The following LRP1B variants were observed in gnomAD, a reference collection of about 807,000 sequenced individuals.
LRP1B encodes LDL receptor related protein 1B.
Under a neutral mutation model 556.6 loss-of-function variants are expected in LRP1B, and 217 were observed. The observed-to-expected ratio is 0.39, with a 90% CI of 0.35 to 0.44. The LOEUF is 0.44. Ranked by LOEUF, LRP1B falls within the 20% of genes least tolerant of loss-of-function variation. LRP1B has a pLI of 1.00. For synonymous variants in LRP1B, 2,047 were observed against 1,865.8 expected, an observed-to-expected ratio of 1.10 and a Z score of -2.50; for missense variants, 5,053 against 5,620.8, an observed-to-expected ratio of 0.90 and a Z score of 3.23.
At chr2:140,273,336 G>GTTTATATGA (rs1553437444) in intron 85 of LRP1B, among the ~76,000 whole-genome samples, 1 of 151,808 alleles carries the variant, frequency 6.6e-6, no homozygotes, top group African/African-American at 2.4e-5. Flanking sequence ...ACATGATTTG[G>GTTTATATGA]ACGCATGTTT....
chr2:141,755,583 T>C (rs1030446583), intron 2 of LRP1B, among the ~76,000 whole-genome samples: 5 of 152,038 alleles, frequency 3.3e-5, no homozygotes, highest in Non-Finnish European at 7.4e-5. Flanking sequence ...TAAAAACCTT[T>C]TGGAGGGCAA....
intron 3 of LRP1B, among the ~76,000 whole-genome samples, chr2:141,397,028 G>A (rs1690260703): frequency 6.8e-6 from 1 of 147,638 alleles, no homozygotes; most frequent in African/African-American, 2.5e-5. Context: ...GAAGAGAATC[G>A]CTTGAACCTG....
At chr2:140,370,497 G>A (rs546859690) in intron 71 of LRP1B, among the ~76,000 whole-genome samples, 5 of 151,922 alleles carry the variant, frequency 3.3e-5, no homozygotes, top group Admixed American at 1.3e-4. Context: ...CCCTGTGTTC[G>A]TGTTTGTCAT....
chr2:140,361,265 A>AAAT (rs1682487737), intron 72 of LRP1B, among the ~76,000 whole-genome samples: 1 of 143,616 alleles, frequency 7.0e-6, no homozygotes, highest in Non-Finnish European at 1.5e-5. Flanking sequence ...GGGAAGCCAG[A>AAAT]AATGTTGCAG....
At chr2:140,518,153 T>C (rs1689999432) in intron 49 of LRP1B, among the ~76,000 whole-genome samples, 1 of 152,190 alleles carries the variant, frequency 6.6e-6, no homozygotes, top group Admixed American at 6.6e-5. Context: ...ATGGCTATTT[T>C]AAGATAACAA....
intron 22 of LRP1B, 106 bp downstream of exon 22, chr2:140,907,771 A>C (rs1694299035): frequency 1.0e-6 from 1 of 978,950 alleles, no homozygotes; most frequent in South Asian, 1.4e-5. Context: ...AGCTACATTT[A>C]AAGGGAATGA....
chr2:141,732,810 C>G (rs1485828657), intron 2 of LRP1B, among the ~76,000 whole-genome samples: 4 of 152,000 alleles, frequency 2.6e-5, no homozygotes, highest in African/African-American at 9.7e-5. Flanking sequence ...ACCGCATAGA[C>G]TATAAGTTTA....
At chr2:140,778,846 T>C (rs1689590801) in intron 32 of LRP1B, among the ~76,000 whole-genome samples, 1 of 152,094 alleles carries the variant, frequency 6.6e-6, no homozygotes, top group Admixed American at 6.6e-5. Context: ...TTCAGCTATA[T>C]TATATTAAGA....
At chr2:141,434,749 G>C (rs1042956009) in intron 3 of LRP1B, among the ~76,000 whole-genome samples, 4 of 114,540 alleles carry the variant, frequency 3.5e-5, no homozygotes, top group African/African-American at 1.2e-4. Flanking sequence ...GGTATTGATA[G>C]GTCAGTTGTT....
At chr2:141,454,893 C>T (rs75148923) in intron 3 of LRP1B, among the ~76,000 whole-genome samples, 6,253 of 152,208 alleles carry the variant, frequency 0.041, 178 homozygotes, top group Non-Finnish European at 0.058. Context: ...CTCTCCAAGA[C>T]GAAGAGAGCT....
rs1341271609 is a variant in LRP1B at position 140,949,956 on chromosome 2, A to G, written c.3136+279T>C. Among the ~76,000 whole-genome samples, 25 of 86,872 alleles carry G rather than the reference A, an allele frequency of 2.9e-4. 1 individual carries two copies. The South Asian group carries it at 6.2e-3, about 22-fold the overall frequency. 57.0% of individuals were successfully genotyped at this position (86,872 alleles called of 152,430 possible). A position where few individuals can be genotyped will look rare whatever the true frequency, so the allele number is the denominator to read the frequency against. On this transcript the variant is annotated intron_variant, in intron 20 of 90. Transcript: ENST00000389484. ...TCCGTCTCAAAAAAAAAAAAAAAAAAAAAAAAAAGAAAAAAAGCAGTAAGT... is the reference window on the plus strand; with the variant it reads ...TCCGTCTCAAAAAAAAAAAAAAAAAGAAAAAAAAGAAAAAAAGCAGTAAGT...
At chr2:141,785,913 G>A (rs536835111) in intron 2 of LRP1B, among the ~76,000 whole-genome samples, 1 of 151,802 alleles carries the variant, frequency 6.6e-6, no homozygotes, top group South Asian at 2.1e-4. Flanking sequence ...TGGCTTCAGA[G>A]ACTTAAAGAA....
chr2:140,273,466 A>G (rs938249729), intron 85 of LRP1B, among the ~76,000 whole-genome samples: 3 of 152,040 alleles, frequency 2.0e-5, no homozygotes, highest in South Asian at 2.1e-4. Context: ...GTCATTCATA[A>G]TGATAATACA....
chr2:140,315,292 A>G (rs1684472537), intron 82 of LRP1B, among the ~76,000 whole-genome samples, 193 bp from the exon 83 acceptor site: 3 of 152,192 alleles, frequency 2.0e-5, no homozygotes. Flanking sequence ...GTAAATATAC[A>G]TATTAAATTA....
At chr2:140,545,728 C>T (rs1574064849) in intron 43 of LRP1B, among the ~76,000 whole-genome samples, 1 of 152,014 alleles carries the variant, frequency 6.6e-6, no homozygotes, top group East Asian at 1.9e-4. Flanking sequence ...ATTAGGACAC[C>T]TTGACTATTT....
At chr2:141,467,675 A>C (rs966714381) in intron 3 of LRP1B, among the ~76,000 whole-genome samples, 1 of 152,122 alleles carries the variant, frequency 6.6e-6, no homozygotes, top group Non-Finnish European at 1.5e-5. Context: ...TATAGTCATC[A>C]AGGAGACCTG....
At chr2:141,255,733 A>G (rs1684437576) in intron 3 of LRP1B, among the ~76,000 whole-genome samples, 1 of 151,804 alleles carries the variant, frequency 6.6e-6, no homozygotes, top group Non-Finnish European at 1.5e-5. Context: ...GATTTTCCAG[A>G]TTTATACTCC....
chr2:140,469,161 T>A lies in LRP1B; in HGVS notation c.9625+5977A>T, dbSNP rs75447115. ...GAATGTTGATGTCCTTCCAAAATTC[T>A]TATATTGGAACCTAATACCCAGTAT... On this transcript the variant is annotated intron_variant, in intron 60 of 90. Coordinates refer to ENST00000389484, the MANE Select transcript of LRP1B (RefSeq NM_018557.3). Among the ~76,000 whole-genome samples the A allele has an allele frequency of 9.3e-3, 1,411 of 152,244 alleles. 31 individuals are homozygous for A. Among genetic ancestry groups the A allele is most frequent in the African/African-American group, 0.03 (1,263 of 41,544 alleles).
At chr2:140,848,725 T>G (rs1444663628) in intron 29 of LRP1B, among the ~76,000 whole-genome samples, 1 of 152,230 alleles carries the variant, frequency 6.6e-6, no homozygotes, top group Non-Finnish European at 1.5e-5. Context: ...TCTTTGGATA[T>G]TCAGTCATGG....
Sources: allele counts gnomAD v4.1 joint callset (sites outside exome capture counted in the v4.1 genomes callset), GRCh38; gene constraint gnomAD v4.1.1; transcripts MANE v1.5; gene names NCBI Gene and HGNC (gene_info 2026-07-23, HGNC 2026-07-21).